SCARF2: variants seen among roughly 807,000 people sequenced by gnomAD.
The protein encoded by SCARF2 is scavenger receptor expressed by endothelial cells 2 protein.
SCARF2 carries 39 observed loss-of-function variants against 73.4 expected under a neutral mutation model. The ratio of observed to expected loss-of-function variants is 0.53; its 90% CI spans 0.41 to 0.69. SCARF2 has a LOEUF of 0.69. Ranked by LOEUF, SCARF2 falls within the 30% of genes least tolerant of loss-of-function variation. The pLI is 0.00. For synonymous variants in SCARF2, 605 were observed against 590.0 expected (o/e 1.03, Z -0.37); for missense variants, 1,148 against 1,303.5 (o/e 0.88, Z 1.84).
Position 20,425,790 on chromosome 22 carries a change from T to A in SCARF2, c.2186A>T (p.Glu729Val), listed in dbSNP as rs768328788. 39 of 1,451,918 alleles carry A rather than the reference T, an allele frequency of 2.7e-5. 1 individual carries two copies. The Middle Eastern group carries it at 7.7e-4, about 29-fold the overall frequency. The allele number at this position is 1,451,918 out of a possible 1,614,324, so 89.9% of individuals were successfully genotyped here. A position where few individuals can be genotyped will look rare whatever the true frequency, so the allele number is the denominator to read the frequency against. Residue 729 changes from glutamate (E) to valine (V), a missense_variant, in exon 11 of 11, where the codon GAG (glutamate) becomes GTG (valine). Coordinates refer to ENST00000622235, the MANE Select transcript of SCARF2 (RefSeq NM_182895.5). This position sits in a 1 kb window ranked among gnomAD's most constrained non-coding sequence, Gnocchi z 4.6. ...CGAGGGCGCAGCGAGGGCTGTCGCC[T>A]CCTCGGGCAGCCCGGGGGGCCGCGG... ...PTPRPPGLPEEATALAAPSPP... is the reference protein window; with the variant it reads ...PTPRPPGLPEVATALAAPSPP...
intron 1 of SCARF2, among the ~76,000 whole-genome samples, chr22:20,435,210 A>G (rs1208659995): frequency 6.6e-6 from 1 of 152,176 alleles, no homozygotes; most frequent in African/African-American, 2.4e-5. Context: ...AGACCTGGAG[A>G]AGCATCTCTG....
In SCARF2 at chr22:20,429,576, C is replaced by G. The variant is rs748989949; in HGVS notation, c.1384G>C (p.Gly462Arg). Residue 462 changes from glycine (G) to arginine (R), a missense_variant, in exon 8 of 11, where the codon GGC becomes CGC. Gly to Arg is a moderately radical substitution (Grantham distance 125, BLOSUM62 -2). This residue lies in a region of SCARF2 where 437 missense variants were observed against 433.6 expected (regional missense o/e 1.01). Transcript: ENST00000622235. This position sits in a 1 kb window ranked among gnomAD's most constrained non-coding sequence, Gnocchi z 5.2. ...LLVCLLLSLL[G>R]CCCACRGKDP... Reference sequence around the variant, plus strand: ...TTGCCGCGGCAAGCGCAGCAGCAGCCGAGCAGCGAGAGCAGCAGGCAGACG... The same window carrying G: ...TTGCCGCGGCAAGCGCAGCAGCAGCGGAGCAGCGAGAGCAGCAGGCAGACG... 3.1e-6 allele frequency: 5 copies of G among 1,613,306 alleles called. No homozygotes were observed. Among genetic ancestry groups the G allele is most frequent in the East Asian group, 2.2e-5 (1 of 44,868 alleles).
At chr22:20,428,298 T>C (rs562653446) in intron 9 of SCARF2, among the ~76,000 whole-genome samples, 1 of 147,870 alleles carries the variant, frequency 6.8e-6, no homozygotes, top group East Asian at 2.0e-4. Flanking sequence ...TCTTCTCTTC[T>C]CTTTTTTCTT....
Position 20,425,726 on chromosome 22 carries a change from G to A in SCARF2, c.2250C>T (p.Leu750=), listed in dbSNP as rs2052567289. 8.1e-7 allele frequency: 1 copy of A among 1,228,896 alleles called. No individual in the cohort carries two copies. Among genetic ancestry groups the A allele is most frequent in the African/African-American group, 1.6e-5 (1 of 63,560 alleles). The allele number at this position is 1,228,896 out of a possible 1,614,324, so 76.1% of individuals were successfully genotyped here. A position where few individuals can be genotyped will look rare whatever the true frequency, so the allele number is the denominator to read the frequency against. Residue 750 remains leucine, a synonymous_variant, in exon 11 of 11, where the codon CTC becomes CTT. Coordinates refer to ENST00000622235, the MANE Select transcript of SCARF2 (RefSeq NM_182895.5). The surrounding 1 kb of genome is among the most constrained non-coding windows in gnomAD (Gnocchi z 4.6). Reference sequence around the variant, plus strand: ...GACCGCCGGCGTCCGTGGGCTCCAAGAGGCCGGGGCCGCGGCCCCGCGCTC... The same window carrying A: ...GACCGCCGGCGTCCGTGGGCTCCAAAAGGCCGGGGCCGCGGCCCCGCGCTC... ...RARARGRGPG[L]LEPTDAGGPP...
At chr22:20,428,306 C>A (rs531428200) in intron 9 of SCARF2, among the ~76,000 whole-genome samples, 1 of 121,724 alleles carries the variant, frequency 8.2e-6, no homozygotes, top group Non-Finnish European at 1.6e-5. Context: ...TCTCTTTTTT[C>A]TTGACAGTTT....
In SCARF2 at chr22:20,426,157, C is replaced by A; in HGVS notation, c.1819G>T (p.Asp607Tyr). Residue 607 changes from aspartate to tyrosine, a missense_variant, in exon 11 of 11, where the codon GAC becomes TAC. Physicochemically the swap from Asp to Tyr is radical, Grantham distance 160 (BLOSUM62 -3). This residue lies in a region of SCARF2 where 437 missense variants were observed against 433.6 expected (regional missense o/e 1.01). Transcript: ENST00000622235. The part of the protein sequence containing the change: ...EEAIPLPASS[D>Y]SERSASSVEG... ...ACGCTGGACGCCGACCGCTCGCTGT[C>A]GGAGGACGCGGGGAGGGGTATCGCC... 6.8e-7 allele frequency: 1 copy of A among 1,479,298 alleles called. No individual in the cohort carries two copies. Among genetic ancestry groups the A allele is most frequent in the Non-Finnish European group, 8.9e-7 (1 of 1,120,858 alleles). The allele number at this position is 1,479,298 out of a possible 1,614,324, so 91.6% of individuals were successfully genotyped here. A position where few individuals can be genotyped will look rare whatever the true frequency, so the allele number is the denominator to read the frequency against.
In SCARF2 at chr22:20,431,019, G is replaced by T; in HGVS notation, c.853C>A (p.Arg285=). ...AGFYGLGCRR[R]CGQCKGQQPC... ...CCCTGGCCGAGAGACCGCGCTTACC[G>T]GCGGCGACAGCCCAAGCCGTAGAAG... The change falls in exon 4 of 11, where the codon CGG becomes AGG. Residue 285 remains arginine (R), a splice_region_variant and synonymous_variant. Coordinates refer to ENST00000622235, the MANE Select transcript of SCARF2 (RefSeq NM_182895.5). 6.4e-7 allele frequency: 1 copy of T among 1,558,906 alleles called. No individual in the cohort carries two copies. Among genetic ancestry groups the T allele is most frequent in the South Asian group, 1.2e-5 (1 of 86,300 alleles).
In SCARF2 at chr22:20,429,347, G is replaced by A; in HGVS notation, c.1425-7C>T. On this transcript the variant is annotated splice_polypyrimidine_tract_variant and splice_region_variant and intron_variant, in intron 8 of 10. Transcript: ENST00000622235. The surrounding 1 kb of genome is among the most constrained non-coding windows in gnomAD (Gnocchi z 5.2). ...CCTCCCAAGCGAAAGCTCCCTGCGGGGGCGGGGTCTGAGCGGAGGGGCGGG... is the reference window on the plus strand; with the variant it reads ...CCTCCCAAGCGAAAGCTCCCTGCGGAGGCGGGGTCTGAGCGGAGGGGCGGG... The A allele has an allele frequency of 6.2e-7, 1 of 1,608,598 alleles. No individual in the cohort carries two copies. The highest frequency in any genetic ancestry group is 8.5e-7 in the Non-Finnish European group (1 of 1,177,752).
In SCARF2 at chr22:20,430,516, C is replaced by G; in HGVS notation, c.1115G>C (p.Cys372Ser). Residue 372 changes from cysteine to serine, a missense_variant, in exon 6 of 11, where the codon TGC becomes TCC. Transcript: ENST00000622235. ...GCCGCAGTCGGCGCACACGAAGGCG[C>G]AGTCCTCGCCGTAAGTGCCATTGCT... ...KCSNGTYGED[C>S]AFVCADCGSG... 1 of 1,606,930 alleles carries G rather than the reference C, an allele frequency of 6.2e-7. No individual in the cohort carries two copies. The highest frequency in any genetic ancestry group is 8.5e-7 in the Non-Finnish European group (1 of 1,177,190).
At chr22:20,434,175 C>T (rs1251154422) in intron 1 of SCARF2, among the ~76,000 whole-genome samples, 1 of 152,142 alleles carries the variant, frequency 6.6e-6, no homozygotes, top group Non-Finnish European at 1.5e-5. Context: ...TACCTATAAT[C>T]CCAGCTACTC....
chr22:20,427,647 G>T, intron 9 of SCARF2, 97 bp from the exon 10 acceptor site: 1 of 1,439,992 alleles, frequency 6.9e-7, no homozygotes. Flanking sequence ...GGGTGACCAA[G>T]ACCAGCCCTA....
Position 20,425,959 on chromosome 22 carries a change from T to C in SCARF2, c.2017A>G (p.Ser673Gly). 1.9e-6 allele frequency: 3 copies of C among 1,594,170 alleles called. No homozygotes were observed. Among genetic ancestry groups the C allele is most frequent in the Non-Finnish European group, 2.6e-6 (3 of 1,174,656 alleles). ...GGCGCACGGCCAGCTGCAGCGGCGC[T>C]GTGCTTGCCGTGGATCCAGGACACC... ...PKVSWIHGKH[S>G]AAAAGRAPSP... The change falls in exon 11 of 11, where the codon AGC becomes GGC. Residue 673 changes from serine to glycine, a missense_variant. By Grantham distance (56) the Ser-to-Gly change is moderately conservative. Coordinates refer to ENST00000622235, the MANE Select transcript of SCARF2 (RefSeq NM_182895.5). This position sits in a 1 kb window ranked among gnomAD's most constrained non-coding sequence, Gnocchi z 4.6.
At position 20,430,456 on chromosome 22, in the gene SCARF2, A is replaced by G. The variant is rs779075547; in HGVS notation, c.1175T>C (p.Leu392Pro). 1.3e-5 allele frequency: 20 copies of G among 1,593,382 alleles called. No individual in the cohort carries two copies. The South Asian group carries it at 2.1e-4, about 17-fold the overall frequency. The change falls in exon 6 of 11, where the codon CTG (leucine) becomes CCG (proline). Residue 392 changes from leucine to proline, a missense_variant. Leu to Pro is a moderately conservative substitution (Grantham distance 98, BLOSUM62 -3). Coordinates refer to ENST00000622235, the MANE Select transcript of SCARF2 (RefSeq NM_182895.5). Reference protein sequence around the residue: ...GHCDFQSGRCLCSPGVHGPHC... With the variant: ...GHCDFQSGRCPCSPGVHGPHC... ...GGGCCCGTGGACGCCAGGGCTGCACAGGCAGCGCCCCGACTGGAAGTCGCA... is the reference window on the plus strand; with the variant it reads ...GGGCCCGTGGACGCCAGGGCTGCACGGGCAGCGCCCCGACTGGAAGTCGCA...
chr22:20,425,867 G>T lies in SCARF2; in HGVS notation c.2109C>A (p.Asp703Glu). The change falls in exon 11 of 11, where the codon GAC becomes GAA. Residue 703 changes from aspartate to glutamate, a missense_variant. Physicochemically the swap from Asp to Glu is conservative, Grantham distance 45 (BLOSUM62 2). Coordinates refer to ENST00000622235, the MANE Select transcript of SCARF2 (RefSeq NM_182895.5). This position sits in a 1 kb window ranked among gnomAD's most constrained non-coding sequence, Gnocchi z 4.6. ...CGTGTTCGACCGTATGCGCCGATTT[G>T]TCGCTGGGCGTCCGTTTCCTCTTGC... ...SPSKRKRTPSDKSAHTVEHGS... is the reference protein window; with the variant it reads ...SPSKRKRTPSEKSAHTVEHGS... 1 of 1,596,652 alleles carries T rather than the reference G, an allele frequency of 6.3e-7. No individual in the cohort carries two copies. The highest frequency in any genetic ancestry group is 1.7e-4 in the Middle Eastern group (1 of 6,004).
At chr22:20,432,101 TC>T in intron 1 of SCARF2, 113 bp from the exon 2 acceptor site, 1 of 1,096,416 alleles carries the variant, frequency 9.1e-7, no homozygotes. Context: ...TGCGCTCCTG[TC>T]CTAGGGGGGT....
intron 1 of SCARF2, among the ~76,000 whole-genome samples, chr22:20,432,779 C>T (rs1207733629): frequency 1.3e-5 from 2 of 152,196 alleles, no homozygotes; most frequent in African/African-American, 2.4e-5. Flanking sequence ...TGCAGTGGCA[C>T]GATCTCGGCT....
chr22:20,426,071 C>G lies in SCARF2; in HGVS notation c.1905G>C (p.Arg635=), dbSNP rs1016945444. 2 of 1,536,844 alleles carry G rather than the reference C, an allele frequency of 1.3e-6. No homozygotes were observed. Among genetic ancestry groups the G allele is most frequent in the Non-Finnish European group, 8.7e-7 (1 of 1,152,460 alleles). ...RVARREARPA[R]ARGEIGGLSL... ...ACAGGCCCCCAATCTCGCCCCGGGC[C>G]CGGGCCGGCCGGGCCTCGCGTCGGG... The change falls in exon 11 of 11, where the codon CGG becomes CGC. Residue 635 remains arginine (R), a synonymous_variant. Transcript: ENST00000622235.
intron 1 of SCARF2, among the ~76,000 whole-genome samples, chr22:20,434,980 G>A (rs904560735): frequency 2.6e-5 from 4 of 152,138 alleles, no homozygotes; most frequent in East Asian, 1.9e-4. Flanking sequence ...TAGCTCCCTC[G>A]GGAAGCTCAC....
At chr22:20,436,590 C>T (rs2052702532) in intron 1 of SCARF2, among the ~76,000 whole-genome samples, 1 of 152,086 alleles carries the variant, frequency 6.6e-6, no homozygotes, top group African/African-American at 2.4e-5. Context: ...GGCGCCGAGC[C>T]CCTGGACTCG....
Sources: gnomAD v4.1 joint callset for allele counts (sites outside exome capture counted in the v4.1 genomes callset) on GRCh38, gnomAD v4.1.1 for gene constraint, gnomAD v4.1.1 regional missense constraint, Gnocchi (gnomAD v3.1) non-coding constraint, MANE v1.5 for transcripts, NCBI Gene and HGNC (gene_info 2026-07-23, HGNC 2026-07-21) for gene names.